Variants in AK9 observed in about 807,000 individuals in gnomAD.
The protein encoded by AK9 is adenylate kinase 9.
AK9 carries 191 observed loss-of-function variants against 239.6 expected under a neutral mutation model. That is an observed-to-expected ratio of 0.80 (90% CI 0.71 to 0.90). The LOEUF is 0.90. Among genes scored for constraint, AK9 ranks in the 40% least tolerant of loss-of-function variants. AK9 has a pLI of 0.00. For synonymous variants in AK9, 689 were observed against 721.0 expected, an observed-to-expected ratio of 0.96 and a Z score of 0.71; for missense variants, 1,995 against 2,214.7, an observed-to-expected ratio of 0.90 and a Z score of 1.99.
rs1281242180 is a variant in AK9 at position 109,679,357 on chromosome 6, C to A, written c.-11-3601G>T. ...GCCTTGGGGAAGTTCCCTCCTCCCA[C>A]CCCCGCAGCTCAGCAAAGCCTCTGT... is the stretch of plus-strand genomic sequence containing the variant. On this transcript the variant is annotated intron_variant, in intron 1 of 40. Coordinates refer to ENST00000424296, the MANE Select transcript of AK9 (RefSeq NM_001145128.3). Among the ~76,000 whole-genome samples the A allele has an allele frequency of 4.8e-5, 5 of 104,252 alleles. No homozygotes were observed. In the South Asian group the frequency reaches 1.2e-3, roughly 25 times the overall value. The allele number at this position is 104,252 out of a possible 152,430, so 68.4% of individuals were successfully genotyped here.
At chr6:109,642,910 T>G (rs768553954) in intron 9 of AK9, among the ~76,000 whole-genome samples, 2 of 152,188 alleles carry the variant, frequency 1.3e-5, no homozygotes, top group Non-Finnish European at 2.9e-5. Context: ...GGGAAAGATC[T>G]GATACAGCAT....
chr6:109,621,913 C>CCAAAGAAAAAAAAAAAAAAAAA (rs1794882209), intron 12 of AK9, among the ~76,000 whole-genome samples: 1 of 70,298 alleles, frequency 1.4e-5, no homozygotes, highest in Non-Finnish European at 2.7e-5. Flanking sequence ...AAAAAAAAAA[C>CCAAAGAAAAAAAAAAAAAAAAA]AAAAAAAAAA....
chr6:109,657,848 G>A (rs571702987), intron 7 of AK9, among the ~76,000 whole-genome samples: 1 of 152,226 alleles, frequency 6.6e-6, no homozygotes, highest in East Asian at 1.9e-4. Context: ...AACAGCGTGT[G>A]TAAAAGTTCT....
At chr6:109,610,683 T>A (rs1374478464) in intron 16 of AK9, among the ~76,000 whole-genome samples, 170 bp from the exon 17 acceptor site, 3 of 152,038 alleles carry the variant, frequency 2.0e-5, no homozygotes, top group East Asian at 3.9e-4. Flanking sequence ...AAATGTTAGG[T>A]CAGGAATCAC....
At chr6:109,684,392 A>G (rs186922874) in intron 1 of AK9, among the ~76,000 whole-genome samples, 24 of 152,344 alleles carry the variant, frequency 1.6e-4, no homozygotes, top group African/African-American at 5.3e-4. Flanking sequence ...GCCAAAATTG[A>G]CAAATGGGAT....
intron 17 of AK9, among the ~76,000 whole-genome samples, chr6:109,590,848 T>C (rs1790136052): frequency 6.6e-6 from 1 of 152,190 alleles, no homozygotes; most frequent in Non-Finnish European, 1.5e-5. Context: ...CCTTTTGTTA[T>C]TGATTTCTAG....
intron 3 of AK9, 132 bp from the exon 4 acceptor site, chr6:109,672,299 G>A (rs1771035953): frequency 3.7e-6 from 3 of 803,304 alleles, no homozygotes; most frequent in African/African-American, 1.7e-5. Flanking sequence ...CAATGCAAAT[G>A]TATGCATATT....
intron 10 of AK9, among the ~76,000 whole-genome samples, chr6:109,637,337 T>C (rs1171256595): frequency 6.6e-6 from 1 of 152,132 alleles, no homozygotes; most frequent in Non-Finnish European, 1.5e-5. Flanking sequence ...CTCCTTTCTG[T>C]GGGTTGTCTT....
At chr6:109,635,381 G>T (rs974802316) in intron 10 of AK9, among the ~76,000 whole-genome samples, 1 of 152,174 alleles carries the variant, frequency 6.6e-6, no homozygotes, top group Non-Finnish European at 1.5e-5. Flanking sequence ...GTGATACCAG[G>T]TACCTCTGAA....
rs570843217 is a variant in AK9 at position 109,622,250 on chromosome 6, A to C, written c.1255-3014T>G. ...TAATATACATATTATATTATATATT[A>C]TGTACATATACATTCCTATAAGAAA... On this transcript the variant is annotated intron_variant, in intron 12 of 40. Coordinates refer to ENST00000424296, the MANE Select transcript of AK9 (RefSeq NM_001145128.3). Among the ~76,000 whole-genome samples the C allele has an allele frequency of 5.8e-3, 840 of 144,716 alleles. 6 individuals are homozygous for C. The highest frequency in any genetic ancestry group is 0.02 in the African/African-American group (804 of 40,178). 94.9% of individuals were successfully genotyped at this position (144,716 alleles called of 152,430 possible). A position where few individuals can be genotyped will look rare whatever the true frequency, so the allele number is the denominator to read the frequency against.
intron 9 of AK9, among the ~76,000 whole-genome samples, chr6:109,642,604 A>C (rs1251221718): frequency 1.3e-5 from 2 of 152,146 alleles, no homozygotes; most frequent in Non-Finnish European, 2.9e-5. Context: ...TACCTTGAGG[A>C]AAGTGTGTCC....
chr6:109,506,511 T>C lies in AK9; in HGVS notation c.4665A>G (p.Val1555=), dbSNP rs761419641. The change falls in exon 35 of 41, where the codon GTA becomes GTG. Residue 1555 remains valine, a synonymous_variant. Coordinates refer to ENST00000424296, the MANE Select transcript of AK9 (RefSeq NM_001145128.3). ...TGCGATACTTTACATTATTGACAGC[T>C]ACAATTTGTGCACTATTGTGCAATG... is the stretch of plus-strand genomic sequence containing the variant. The part of the protein sequence containing the change: ...PYPLHNSAQI[V]AVNNVKYRKN... 1.2e-6 allele frequency: 2 copies of C among 1,605,112 alleles called. No individual in the cohort carries two copies. Among genetic ancestry groups the C allele is most frequent in the South Asian group, 2.2e-5 (2 of 90,474 alleles).
chr6:109,685,503 C>T lies in AK9; in HGVS notation c.-12+5644G>A, dbSNP rs113383969. ...AACAGAAAACCAAACACTGCATGTT[C>T]TCACTCATAAGTGGGAGTTGAAAAA... On this transcript the variant is annotated intron_variant, in intron 1 of 40. Transcript: ENST00000424296. Among the ~76,000 whole-genome samples the T allele has an allele frequency of 6.3e-3, 951 of 152,034 alleles. 16 individuals carry two copies. The highest frequency in any genetic ancestry group is 0.022 in the African/African-American group (904 of 41,454).
At chr6:109,569,760 C>A in intron 21 of AK9, among the ~76,000 whole-genome samples, 1 of 152,102 alleles carries the variant, frequency 6.6e-6, no homozygotes. Context: ...GAATGGCAAT[C>A]ATTAAAAAGT....
intron 17 of AK9, among the ~76,000 whole-genome samples, chr6:109,601,256 C>T (rs1791912384): frequency 2.0e-5 from 3 of 152,146 alleles, no homozygotes; most frequent in African/African-American, 7.2e-5. Flanking sequence ...AAATGTATCC[C>T]AGAGATTCTG....
At chr6:109,546,387 T>C (rs767476005) in intron 25 of AK9, among the ~76,000 whole-genome samples, 1 of 152,242 alleles carries the variant, frequency 6.6e-6, no homozygotes, top group Non-Finnish European at 1.5e-5. Flanking sequence ...TTTAATAAAA[T>C]AGAGTTTACT....
At chr6:109,652,486 A>AC (rs1428298763) in intron 8 of AK9, among the ~76,000 whole-genome samples, 5 of 152,282 alleles carry the variant, frequency 3.3e-5, no homozygotes, top group African/African-American at 1.2e-4. Context: ...ACTTAACATT[A>AC]TAACTAAACT....
chr6:109,574,328 T>C (rs1156783485), intron 20 of AK9, among the ~76,000 whole-genome samples: 1 of 151,998 alleles, frequency 6.6e-6, no homozygotes, highest in Admixed American at 6.6e-5. Flanking sequence ...GAGCTGAGAT[T>C]GTGTCACTGC....
intron 8 of AK9, among the ~76,000 whole-genome samples, chr6:109,655,209 T>A (rs1799517829): frequency 6.6e-6 from 1 of 152,202 alleles, no homozygotes; most frequent in South Asian, 2.1e-4. Context: ...CTTGCTAGCA[T>A]CAGGAATTCT....
Sources: gnomAD v4.1 joint callset for allele counts (sites outside exome capture counted in the v4.1 genomes callset) on GRCh38, gnomAD v4.1.1 for gene constraint, MANE v1.5 for transcripts, NCBI Gene and HGNC (gene_info 2026-07-23, HGNC 2026-07-21) for gene names.